Variants in ADAMTSL1 observed in about 807,000 individuals in gnomAD.
The protein encoded by ADAMTSL1 is ADAMTS like 1.
Under a neutral mutation model 201.8 loss-of-function variants are expected in ADAMTSL1, and 126 were observed. The observed-to-expected ratio is 0.62, with a 90% CI of 0.54 to 0.72. ADAMTSL1 has a LOEUF of 0.72. ADAMTSL1 is among the 30% of genes least tolerant of loss of function. ADAMTSL1 has a pLI of 0.00. For synonymous variants in ADAMTSL1, 1,121 were observed against 903.4 expected, an observed-to-expected ratio of 1.24 and a Z score of -4.32; for missense variants, 2,679 against 2,277.8, an observed-to-expected ratio of 1.18 and a Z score of -3.59.
At chr9:18,441,849 A>C (rs1330637996) in intron 2 of ADAMTSL1, among the ~76,000 whole-genome samples, 1 of 152,186 alleles carries the variant, frequency 6.6e-6, no homozygotes, top group Non-Finnish European at 1.5e-5. Context: ...CCTGGAACAA[A>C]AGGTCCTCAG....
chr9:18,560,653 G>T (rs1321827426), intron 3 of ADAMTSL1, among the ~76,000 whole-genome samples: 2 of 151,086 alleles, frequency 1.3e-5, no homozygotes, highest in Non-Finnish European at 1.5e-5. Flanking sequence ...TTTTTTGGTT[G>T]GTAGGCTATT....
chr9:18,580,547 C>T (rs1275218710), intron 4 of ADAMTSL1, among the ~76,000 whole-genome samples: 1 of 152,094 alleles, frequency 6.6e-6, no homozygotes, highest in Non-Finnish European at 1.5e-5. Flanking sequence ...CTTTTCATAG[C>T]ATAGTAAAGA....
At chr9:18,095,368 T>A (rs1824199750) in intron 1 of ADAMTSL1, among the ~76,000 whole-genome samples, 1 of 150,942 alleles carries the variant, frequency 6.6e-6, no homozygotes, top group Non-Finnish European at 1.5e-5. Context: ...GAATGACTCA[T>A]CAATTTGACA....
At chr9:18,430,932 C>T (rs904152750) in intron 2 of ADAMTSL1, among the ~76,000 whole-genome samples, 2 of 152,170 alleles carry the variant, frequency 1.3e-5, no homozygotes, top group African/African-American at 4.8e-5. Flanking sequence ...AGACATAAAA[C>T]AGGCTGAATG....
intron 2 of ADAMTSL1, among the ~76,000 whole-genome samples, chr9:18,379,111 G>T (rs1321327931): frequency 6.6e-6 from 1 of 152,216 alleles, no homozygotes; most frequent in Non-Finnish European, 1.5e-5. Flanking sequence ...TAGTCACCAA[G>T]GTGAGGGGCT....
intron 5 of ADAMTSL1, among the ~76,000 whole-genome samples, chr9:18,623,746 A>G (rs188326389): frequency 3.3e-5 from 5 of 152,316 alleles, no homozygotes; most frequent in Non-Finnish European, 7.4e-5. Context: ...TTTTAGAATT[A>G]TTTTGACATT....
At position 17,925,248 on chromosome 9, in the gene ADAMTSL1, C is replaced by T. The variant is rs1405308217; in HGVS notation, c.87+18326C>T. ...GTGGAGAAATAGGAACACTTTTACA[C>T]TGTTAGTGGGACTGTAAACTAGTTC... On this transcript the variant is annotated intron_variant, in intron 1 of 29. Transcript: ENST00000680146. Among the ~76,000 whole-genome samples, 5 of 121,232 alleles carry T rather than the reference C, an allele frequency of 4.1e-5. 2 individuals are homozygous for T. The highest frequency in any genetic ancestry group is 9.0e-5 in the Non-Finnish European group (5 of 55,408). 79.5% of individuals were successfully genotyped at this position (121,232 alleles called of 152,430 possible).
At chr9:18,667,761 C>A (rs1038069121) in intron 9 of ADAMTSL1, among the ~76,000 whole-genome samples, 1 of 152,160 alleles carries the variant, frequency 6.6e-6, no homozygotes, top group African/African-American at 2.4e-5. Flanking sequence ...CTTTCTCATC[C>A]ATGAAAGGAA....
chr9:18,129,472 A>G (rs777124764), intron 1 of ADAMTSL1, among the ~76,000 whole-genome samples: 2 of 152,124 alleles, frequency 1.3e-5, no homozygotes, highest in African/African-American at 4.8e-5. Context: ...CCCTGAGAAG[A>G]CCTGCTTACC....
intron 2 of ADAMTSL1, among the ~76,000 whole-genome samples, chr9:18,193,200 C>G (rs942221054): frequency 2.3e-4 from 35 of 152,216 alleles, no homozygotes; most frequent in African/African-American, 7.7e-4. Flanking sequence ...TATTCAAACT[C>G]AAGAATCACT....
At chr9:18,318,892 A>G (rs1025293416) in intron 2 of ADAMTSL1, among the ~76,000 whole-genome samples, 1 of 152,194 alleles carries the variant, frequency 6.6e-6, no homozygotes, top group African/African-American at 2.4e-5. Flanking sequence ...GTGTGTCCAC[A>G]ACTTTATTAT....
Position 18,684,766 on chromosome 9 carries a change from C to G in ADAMTSL1, c.1540C>G (p.Leu514Val). ...KLPWFKQAQE[L>V]EEGAAVSEEP... The stretch of plus-strand genomic sequence containing the variant: ...GCCATGGTTCAAACAAGCTCAAGAG[C>G]TAGAAGAAGGAGCTGCTGTGTCAGA... The change falls in exon 13 of 29, where the codon CTA (leucine) becomes GTA (valine). Residue 514 changes from leucine to valine, a missense_variant. By Grantham distance (32) the Leu-to-Val change is conservative (BLOSUM62 1). Coordinates refer to ENST00000380548, the MANE Select transcript of ADAMTSL1 (RefSeq NM_001040272.6). 8 of 1,612,910 alleles carry G rather than the reference C, an allele frequency of 5.0e-6. No homozygotes were observed. Among genetic ancestry groups the G allele is most frequent in the Non-Finnish European group, 5.9e-6 (7 of 1,179,636 alleles).
chr9:17,931,610 T>G (rs1317541835), intron 1 of ADAMTSL1, among the ~76,000 whole-genome samples: 1 of 152,210 alleles, frequency 6.6e-6, no homozygotes, highest in African/African-American at 2.4e-5. Context: ...CAGCTGTCTT[T>G]TTTTTCCTTT....
At chr9:18,515,533 C>G (rs1286913959) in intron 2 of ADAMTSL1, among the ~76,000 whole-genome samples, 1 of 152,144 alleles carries the variant, frequency 6.6e-6, no homozygotes, top group East Asian at 1.9e-4. Flanking sequence ...CAGGGTTTCA[C>G]TATGTTGGCC....
At chr9:18,019,176 A>G (rs893925510) in intron 1 of ADAMTSL1, among the ~76,000 whole-genome samples, 4 of 151,994 alleles carry the variant, frequency 2.6e-5, no homozygotes, top group African/African-American at 7.2e-5. Flanking sequence ...AAATATGTCT[A>G]ATGAACTGGG....
chr9:18,273,886 T>C (rs76045673), intron 2 of ADAMTSL1, among the ~76,000 whole-genome samples: 19,200 of 152,278 alleles, frequency 0.13, 1,306 homozygotes, highest in Middle Eastern at 0.2. Context: ...ATCTTAATCA[T>C]TGTCAACTGT....
At chr9:18,343,080 C>T (rs1835542632) in intron 2 of ADAMTSL1, among the ~76,000 whole-genome samples, 2 of 151,290 alleles carry the variant, frequency 1.3e-5, no homozygotes, top group South Asian at 2.1e-4. Flanking sequence ...AGTCTCAGCA[C>T]TTTGGGAGGC....
chr9:18,170,207 CAT>C (rs1198629272), intron 2 of ADAMTSL1, among the ~76,000 whole-genome samples: 1 of 151,988 alleles, frequency 6.6e-6, no homozygotes, highest in African/African-American at 2.4e-5. Context: ...ATAAATATTT[CAT>C]ATAACTTCAC....
At position 18,644,496 on chromosome 9, in the gene ADAMTSL1, C is replaced by A. The variant is rs113243309; in HGVS notation, c.834+5085C>A. Among the ~76,000 whole-genome samples the A allele has an allele frequency of 8.7e-3, 1,316 of 151,918 alleles. 17 individuals are homozygous for A. The highest frequency in any genetic ancestry group is 0.025 in the African/African-American group (1,020 of 41,396). On this transcript the variant is annotated intron_variant, in intron 7 of 28. Transcript: ENST00000380548. ...TGGTGTGCTGCACCCATTAACTTGT[C>A]ATTTGGTATTAGGTATATCTCCTAA... is the stretch of plus-strand genomic sequence containing the variant.
Sources: gnomAD v4.1 joint callset for allele counts (sites outside exome capture counted in the v4.1 genomes callset) on GRCh38, gnomAD v4.1.1 for gene constraint, MANE v1.5 for transcripts, NCBI Gene and HGNC (gene_info 2026-07-23, HGNC 2026-07-21) for gene names.